The following RANBP2 variants were observed in gnomAD, a reference collection of about 807,000 sequenced individuals.
RANBP2 encodes the protein E3 SUMO-protein ligase RanBP2.
RANBP2 carries 57 observed loss-of-function variants against 303.6 expected under a neutral mutation model. The observed-to-expected ratio is 0.19, with a 90% confidence interval of 0.15 to 0.23. The LOEUF (loss-of-function observed/expected upper bound fraction) is 0.23, where lower values mean the gene tolerates loss of function less well. RANBP2 is among the 10% of genes least tolerant of loss of function. The probability of loss-of-function intolerance (pLI) is 1.00; values close to 1 mark genes in which losing one functional copy is unlikely to be tolerated. For synonymous variants in RANBP2, 1,167 were observed against 1,301.5 expected (o/e 0.90, Z 2.23); for missense variants, 3,138 against 3,780.8 (o/e 0.83, Z 4.46).
At chr2:109,392,038 A>G in the RANBP2 span, among the ~76,000 whole-genome samples, 1 of 151,614 alleles carries the variant, frequency 6.6e-6, no homozygotes, top group Non-Finnish European at 1.5e-5. Context: ...CTGATCTCGA[A>G]CTCCTGGACT....
At chr2:109,371,460 G>C in the RANBP2 span, 1 of 684,800 alleles carries the variant, frequency 1.5e-6, no homozygotes, top group Non-Finnish European at 2.6e-6. Context: ...AATGGATAAT[G>C]CACTCTTCTT....
intron 3 of RANBP2, 97 bp from the exon 4 acceptor site, chr2:108,731,225 G>C (rs1179626876): frequency 2.1e-4 from 313 of 1,504,872 alleles, no homozygotes; most frequent in Admixed American, 2.7e-4. Flanking sequence ...TTAAGGGTTG[G>C]AGTGATAATT....
chr2:108,912,820 G>A, the RANBP2 span: 11 of 1,412,822 alleles, frequency 7.8e-6, no homozygotes, highest in Admixed American at 7.8e-5. Context: ...CTTCAAAGAC[G>A]CTGCCACAGA....
At chr2:109,402,439 C>T in the RANBP2 span, among the ~76,000 whole-genome samples, 1 of 152,240 alleles carries the variant, frequency 6.6e-6, no homozygotes, top group Admixed American at 6.5e-5. Context: ...ATTGCTGTGT[C>T]ATGGGCTCAT....
chr2:109,594,735 G>GCACATGCACACACA, the RANBP2 span: 1 of 152,164 alleles, frequency 6.6e-6, no homozygotes, highest in Non-Finnish European at 1.5e-5. Flanking sequence ...ATGCACACAC[G>GCACATGCACACACA]CACATGCACA....
At chr2:109,592,317 T>C in the RANBP2 span, among the ~76,000 whole-genome samples, 1 of 151,352 alleles carries the variant, frequency 6.6e-6, no homozygotes, top group Non-Finnish European at 1.5e-5. Flanking sequence ...ATACAAAAAT[T>C]AGCCAGGTGT....
the RANBP2 span, among the ~76,000 whole-genome samples, chr2:109,178,944 C>G: frequency 6.6e-6 from 1 of 150,820 alleles, no homozygotes; most frequent in African/African-American, 2.4e-5. Flanking sequence ...TTCAAATTAA[C>G]TTTTCGTGTT....
the RANBP2 span, among the ~76,000 whole-genome samples, chr2:109,158,762 C>A: frequency 5.3e-5 from 8 of 152,212 alleles, 1 homozygote; most frequent in Admixed American, 1.3e-4. Context: ...CTAAGTGTTT[C>A]TTTCAAAGCA....
the RANBP2 span, among the ~76,000 whole-genome samples, chr2:109,596,160 C>G: frequency 6.6e-6 from 1 of 152,108 alleles, no homozygotes; most frequent in Non-Finnish European, 1.5e-5. Context: ...GTTTCCGAAA[C>G]AGCTGGGCCT....
chr2:109,572,105 G>C, the RANBP2 span, among the ~76,000 whole-genome samples: 2 of 152,158 alleles, frequency 1.3e-5, no homozygotes, highest in Non-Finnish European at 2.9e-5. Flanking sequence ...AAAAGTCTTA[G>C]AGTGAGCTCT....
chr2:109,556,527 C>G, the RANBP2 span, among the ~76,000 whole-genome samples: 1 of 152,120 alleles, frequency 6.6e-6, no homozygotes, highest in Admixed American at 6.5e-5. Context: ...AGGAACAGAT[C>G]CTAAACACTT....
the RANBP2 span, among the ~76,000 whole-genome samples, chr2:109,589,879 A>C: frequency 2.0e-5 from 3 of 152,132 alleles, no homozygotes; most frequent in Non-Finnish European, 4.4e-5. Context: ...TGAATAGATA[A>C]ACAAACTGTA....
the RANBP2 span, among the ~76,000 whole-genome samples, chr2:109,053,093 C>T: frequency 6.6e-6 from 1 of 152,190 alleles, no homozygotes; most frequent in African/African-American, 2.4e-5. Flanking sequence ...GGTGAGGGCG[C>T]TGTGGTCCAT....
chr2:109,669,322 CAA>C, the RANBP2 span, among the ~76,000 whole-genome samples: 1 of 152,058 alleles, frequency 6.6e-6, no homozygotes, highest in African/African-American at 2.4e-5. Flanking sequence ...CAAAAACAAA[CAA>C]ATGAAATTCT....
At chr2:109,616,901 T>G in the RANBP2 span, 2 of 167,104 alleles carry the variant, frequency 1.2e-5, no homozygotes, top group Non-Finnish European at 2.9e-5. Context: ...TAACTTTTGT[T>G]ACTATTCTAA....
the RANBP2 span, among the ~76,000 whole-genome samples, chr2:109,342,826 C>T: frequency 7.9e-5 from 12 of 152,310 alleles, no homozygotes; most frequent in South Asian, 2.5e-3. Context: ...ATGTGTGTGC[C>T]ACATCTGAGT....
chr2:108,929,769 C>T, the RANBP2 span, among the ~76,000 whole-genome samples: 6 of 152,244 alleles, frequency 3.9e-5, no homozygotes, highest in Admixed American at 6.5e-5. Context: ...TGCCCAGAGG[C>T]GGAGGGAGAT....
the RANBP2 span, chr2:109,251,507 G>C: frequency 2.7e-6 from 2 of 742,998 alleles, no homozygotes; most frequent in Non-Finnish European, 2.5e-6. Context: ...CATGTCCAAG[G>C]AATATTGTGG....
the RANBP2 span, among the ~76,000 whole-genome samples, chr2:109,602,590 G>A: frequency 1.3e-5 from 2 of 151,124 alleles, no homozygotes; most frequent in Admixed American, 6.6e-5. Flanking sequence ...CAGGAGAATC[G>A]CTTGAACCTG....
Sources: allele counts gnomAD v4.1 joint callset (sites outside exome capture counted in the v4.1 genomes callset), GRCh38; gene constraint gnomAD v4.1.1; transcripts MANE v1.5; gene names NCBI Gene and HGNC (gene_info 2026-07-23, HGNC 2026-07-21).